The following COG5 variants were observed in gnomAD, a reference collection of about 807,000 sequenced individuals.
The protein encoded by COG5 is conserved oligomeric Golgi complex subunit 5.
In COG5, 86 loss-of-function variants were observed where a neutral mutation model predicts 110.4. The ratio of observed to expected loss-of-function variants is 0.78; its 90% CI spans 0.65 to 0.93. The LOEUF (loss-of-function observed/expected upper bound fraction) is 0.93. Ranked by LOEUF, COG5 falls within the 40% of genes least tolerant of loss-of-function variation. COG5 has a pLI of 0.00. For synonymous variants in COG5, 360 were observed against 334.6 expected, an observed-to-expected ratio of 1.08 and a Z score of -0.83; for missense variants, 1,077 against 987.0, an observed-to-expected ratio of 1.09 and a Z score of -1.22.
chr7:107,240,211 CTTAT>C (rs954430356), intron 17 of COG5, among the ~76,000 whole-genome samples: 5 of 151,958 alleles, frequency 3.3e-5, no homozygotes, highest in African/African-American at 4.8e-5. Context: ...TTACTCTTTA[CTTAT>C]TTATTTATTT....
chr7:107,507,542 C>T (rs1394356871), intron 6 of COG5, among the ~76,000 whole-genome samples: 3 of 150,202 alleles, frequency 2.0e-5, no homozygotes, highest in East Asian at 2.0e-4. Context: ...CTCCAGACCT[C>T]GTGATCCACC....
chr7:107,298,198 T>G lies in COG5; in HGVS notation c.1257A>C (p.Leu419=). ...CTTGTGCATCATCTTCCATGTGTTG[T>G]AGGTCAACATAGAGGTCTGTAGTTC... The part of the protein sequence containing the change: ...ASGTTDLYVD[L]QHMEDDAQDI... Residue 419 remains leucine, a synonymous_variant, in exon 12 of 22, where the codon CTA becomes CTC. Coordinates refer to ENST00000297135, the MANE Select transcript of COG5 (RefSeq NM_006348.5). 6.2e-7 allele frequency: 1 copy of G among 1,613,538 alleles called. No individual in the cohort carries two copies. Among genetic ancestry groups the G allele is most frequent in the Non-Finnish European group, 8.5e-7 (1 of 1,179,632 alleles).
intron 6 of COG5, among the ~76,000 whole-genome samples, chr7:107,452,489 G>A (rs560041375): frequency 3.9e-5 from 6 of 152,164 alleles, no homozygotes; most frequent in African/African-American, 9.6e-5. Context: ...TCGTGGCAGC[G>A]GGTCTTTCCC....
intron 5 of COG5, among the ~76,000 whole-genome samples, chr7:107,537,979 A>G (rs985597112): frequency 6.6e-6 from 1 of 152,194 alleles, no homozygotes; most frequent in African/African-American, 2.4e-5. Context: ...CCCTTTTAAC[A>G]AAAAGCAGCT....
At chr7:107,561,950 T>C (rs138986920) in intron 1 of COG5, among the ~76,000 whole-genome samples, 3,814 of 150,422 alleles carry the variant, frequency 0.025, 150 homozygotes, top group African/African-American at 0.088. Context: ...CACTCCAGCC[T>C]GGGCAACAGC....
intron 7 of COG5, among the ~76,000 whole-genome samples, chr7:107,399,977 T>C (rs73187364): frequency 0.043 from 6,550 of 152,024 alleles, 180 homozygotes; most frequent in Middle Eastern, 0.071. Flanking sequence ...TGTAAACTAA[T>C]AGAACCACTT....
chr7:107,343,048 G>A (rs967494095), intron 10 of COG5, among the ~76,000 whole-genome samples: 2 of 152,134 alleles, frequency 1.3e-5, no homozygotes, highest in Non-Finnish European at 2.9e-5. Flanking sequence ...AACAAAGAAT[G>A]AAACAATGTC....
chr7:107,511,253 AAT>A (rs1189078815), intron 6 of COG5, among the ~76,000 whole-genome samples: 3 of 152,214 alleles, frequency 2.0e-5, no homozygotes, highest in African/African-American at 7.2e-5. Flanking sequence ...ACCATCACAG[AAT>A]ACTACAAACA....
chr7:107,318,812 A>C (rs1808992518), intron 11 of COG5, among the ~76,000 whole-genome samples: 1 of 152,214 alleles, frequency 6.6e-6, no homozygotes, highest in South Asian at 2.1e-4. Context: ...CCCTATCTCC[A>C]AATACAGTTA....
At chr7:107,412,463 C>A (rs745437525) in intron 7 of COG5, 39 bp downstream of exon 7, 1 of 1,593,944 alleles carries the variant, frequency 6.3e-7, no homozygotes, top group Admixed American at 1.7e-5. Context: ...TGTATTATGA[C>A]ACATTTTTTA....
chr7:107,475,224 T>C, intron 6 of COG5: 1 of 1,611,682 alleles, frequency 6.2e-7, no homozygotes, highest in Non-Finnish European at 8.5e-7. Context: ...GAGTTGTTTC[T>C]ATAGTAGAAG....
At chr7:107,280,216 G>A (rs942705600) in intron 14 of COG5, among the ~76,000 whole-genome samples, 1 of 152,006 alleles carries the variant, frequency 6.6e-6, no homozygotes, top group African/African-American at 2.4e-5. Context: ...CTATATCTCT[G>A]TATGGTTAGT....
At chr7:107,290,175 G>A (rs940965942) in intron 12 of COG5, among the ~76,000 whole-genome samples, 2 of 152,136 alleles carry the variant, frequency 1.3e-5, no homozygotes, top group Non-Finnish European at 2.9e-5. Context: ...TTCAGTGAGT[G>A]CTAATCAAAG....
chr7:107,548,476 C>A, intron 3 of COG5, 144 bp from the exon 4 acceptor site: 1 of 765,794 alleles, frequency 1.3e-6, no homozygotes, highest in South Asian at 1.5e-5. Context: ...TATCTTTTAC[C>A]CACACTGCTG....
intron 6 of COG5, among the ~76,000 whole-genome samples, chr7:107,526,602 A>T (rs1800769408): frequency 2.0e-5 from 3 of 152,224 alleles, no homozygotes; most frequent in Admixed American, 2.0e-4. Flanking sequence ...AGAACTGTAC[A>T]CCTATTCATA....
intron 8 of COG5, among the ~76,000 whole-genome samples, chr7:107,371,562 G>C (rs1257312650): frequency 1.3e-5 from 2 of 152,124 alleles, no homozygotes; most frequent in Non-Finnish European, 2.9e-5. Context: ...ATGGATCAGA[G>C]TGCCTTCAAC....
At position 107,368,548 on chromosome 7, in the gene COG5, C is replaced by A. The variant is rs1813836603; in HGVS notation, c.835+4047G>T. On this transcript the variant is annotated intron_variant, in intron 8 of 21. Transcript: ENST00000297135. The stretch of plus-strand genomic sequence containing the variant: ...CACCTTATAATAATTCATTAAGCTA[C>A]ATGTTTATGTTTTTCTTTAAGTTTT... Among the ~76,000 whole-genome samples, 3 of 152,022 alleles carry A rather than the reference C, an allele frequency of 2.0e-5. No individual in the cohort carries two copies. The South Asian group carries it at 6.2e-4, about 32-fold the overall frequency.
At chr7:107,490,045 G>A (rs1357573991) in intron 6 of COG5, among the ~76,000 whole-genome samples, 5 of 152,002 alleles carry the variant, frequency 3.3e-5, no homozygotes, top group African/African-American at 4.8e-5. Context: ...ACTAACAAAC[G>A]CATTTTCAAT....
At chr7:107,437,617 G>A (rs144612074) in intron 6 of COG5, among the ~76,000 whole-genome samples, 2 of 151,942 alleles carry the variant, frequency 1.3e-5, no homozygotes, top group Non-Finnish European at 1.5e-5. Flanking sequence ...ACTTCAGAAA[G>A]GAAGTATATG....
Sources: gnomAD v4.1 joint callset for allele counts (sites outside exome capture counted in the v4.1 genomes callset) on GRCh38, gnomAD v4.1.1 for gene constraint, MANE v1.5 for transcripts, NCBI Gene and HGNC (gene_info 2026-07-23, HGNC 2026-07-21) for gene names.